LARGE1: variants seen among roughly 807,000 people sequenced by gnomAD.
LARGE1 encodes xylosyl- and glucuronyltransferase LARGE1.
Under a neutral mutation model 87.6 loss-of-function variants are expected in LARGE1, and 43 were observed. The ratio of observed to expected loss-of-function variants is 0.49; its 90% confidence interval spans 0.38 to 0.63. The LOEUF (loss-of-function observed/expected upper bound fraction) is 0.63. Ranked by LOEUF, LARGE1 falls within the 30% of genes least tolerant of loss-of-function variation. The probability of loss-of-function intolerance (pLI) is 0.00; values close to 1 mark genes in which losing one functional copy is unlikely to be tolerated. For synonymous variants in LARGE1, 434 were observed against 394.6 expected, an observed-to-expected ratio of 1.10 and a Z score of -1.18; for missense variants, 802 against 1,000.2, an observed-to-expected ratio of 0.80 and a Z score of 2.67.
intron 11 of LARGE1, among the ~76,000 whole-genome samples, chr22:33,193,620 C>A (rs1165652991): frequency 2.0e-5 from 3 of 151,956 alleles, no homozygotes; most frequent in Non-Finnish European, 4.4e-5. Context: ...AAGTTCAAGA[C>A]CAGCCTGGGC....
the LARGE1 span, chr22:33,105,425 A>C: frequency 6.6e-6 from 1 of 152,276 alleles, no homozygotes; most frequent in Admixed American, 6.5e-5. Flanking sequence ...AGGCTTTCTT[A>C]CAGCGGGGCC....
intron 6 of LARGE1, among the ~76,000 whole-genome samples, chr22:33,524,382 A>T (rs189886785): frequency 6.6e-6 from 1 of 152,026 alleles, no homozygotes; most frequent in Admixed American, 6.6e-5. Context: ...CAATATTATC[A>T]CCTTTCTAAT....
At chr22:33,709,922 C>T (rs2082679717) in intron 2 of LARGE1, among the ~76,000 whole-genome samples, 1 of 149,652 alleles carries the variant, frequency 6.7e-6, no homozygotes. Context: ...CCACCACGCT[C>T]AGCTGGCCAA....
At position 33,609,788 on chromosome 22, in the gene LARGE1, C is replaced by T. The variant is rs541736669; in HGVS notation, c.492-5230G>A. Among the ~76,000 whole-genome samples the T allele has an allele frequency of 2.0e-5, 3 of 152,206 alleles. No individual in the cohort carries two copies. In the East Asian group the frequency reaches 5.8e-4, roughly 29 times the overall value. On this transcript the variant is annotated intron_variant, in intron 4 of 14. Transcript: ENST00000397394. ...GTTTGGGTCATGGGGGCGGATCCCT[C>T]ATGGCTTGGTGCTGTCCTCATGATG... is the stretch of plus-strand genomic sequence containing the variant.
intron 4 of LARGE1, among the ~76,000 whole-genome samples, chr22:33,611,423 C>T (rs369141569): frequency 1.8e-4 from 28 of 152,358 alleles, no homozygotes; most frequent in African/African-American, 5.8e-4. Context: ...AGCTTTAAGA[C>T]TTAATGACTG....
At chr22:33,382,158 T>C in intron 8 of LARGE1, 114 bp from the exon 9 acceptor site, 2 of 1,384,990 alleles carry the variant, frequency 1.4e-6, no homozygotes, top group South Asian at 1.3e-5. Context: ...CCTCCTGCTC[T>C]GAACACAGGC....
intron 4 of LARGE1, among the ~76,000 whole-genome samples, chr22:33,611,695 TGAG>T (rs1320595858): frequency 6.6e-6 from 1 of 152,200 alleles, no homozygotes; most frequent in Non-Finnish European, 1.5e-5. Flanking sequence ...GTTTGAAATG[TGAG>T]GAGGACATGA....
At chr22:33,616,256 C>T (rs2079576388) in intron 4 of LARGE1, among the ~76,000 whole-genome samples, 1 of 152,122 alleles carries the variant, frequency 6.6e-6, no homozygotes, top group African/African-American at 2.4e-5. Flanking sequence ...CCTGTAATCC[C>T]AGCACTTTGG....
chr22:33,247,051 G>GTA (rs1226545526), intron 11 of LARGE1, among the ~76,000 whole-genome samples: 4 of 3,942 alleles, frequency 1.0e-3, no homozygotes, highest in Non-Finnish European at 4.7e-3. Context: ...GCCAGTATGT[G>GTA]TGTGTGTGTG....
intron 1 of LARGE1, among the ~76,000 whole-genome samples, chr22:33,883,430 C>T (rs1439188011): frequency 1.3e-5 from 2 of 152,222 alleles, no homozygotes; most frequent in East Asian, 3.9e-4. Flanking sequence ...CCCTCATCTC[C>T]TGCCTGAAGT....
chr22:33,697,251 G>T (rs948817925), intron 2 of LARGE1, among the ~76,000 whole-genome samples: 1 of 152,092 alleles, frequency 6.6e-6, no homozygotes, highest in Non-Finnish European at 1.5e-5. Context: ...TATGGTTCTC[G>T]TCCTGCTTAT....
chr22:33,796,320 G>A (rs920658346), intron 1 of LARGE1, among the ~76,000 whole-genome samples: 5 of 152,174 alleles, frequency 3.3e-5, no homozygotes, highest in Non-Finnish European at 5.9e-5. Context: ...TGGAGAATAC[G>A]CAGCTAGGGA....
intron 10 of LARGE1, among the ~76,000 whole-genome samples, chr22:33,332,132 T>A (rs953101639): frequency 2.0e-5 from 3 of 152,008 alleles, no homozygotes; most frequent in Admixed American, 2.0e-4. Context: ...GATGATATGG[T>A]TTGGCTGTGT....
chr22:33,493,917 C>T (rs1455811644), intron 6 of LARGE1, among the ~76,000 whole-genome samples: 1 of 152,222 alleles, frequency 6.6e-6, no homozygotes, highest in Non-Finnish European at 1.5e-5. Flanking sequence ...CTACATCTTC[C>T]AACTGGGTGG....
chr22:33,422,937 G>T (rs559189325), intron 7 of LARGE1, among the ~76,000 whole-genome samples: 1 of 152,078 alleles, frequency 6.6e-6, no homozygotes, highest in African/African-American at 2.4e-5. Context: ...ATTTGGGCAG[G>T]GAAACAGATC....
At chr22:33,418,574 A>G (rs2066582489) in intron 7 of LARGE1, among the ~76,000 whole-genome samples, 1 of 152,210 alleles carries the variant, frequency 6.6e-6, no homozygotes, top group Non-Finnish European at 1.5e-5. Flanking sequence ...TGAGGAGATG[A>G]CACCTGATCC....
Position 33,649,225 on chromosome 22 carries a change from C to T in LARGE1, c.408+1142G>A, listed in dbSNP as rs141966656. Among the ~76,000 whole-genome samples, 39 of 152,294 alleles carry T rather than the reference C, an allele frequency of 2.6e-4. No individual in the cohort carries two copies. In the East Asian group the frequency reaches 7.3e-3, roughly 29 times the overall value. ...GTCCTCCTCCCTCACCACTGAACTT[C>T]CAAAGAACTTAGTCTACATCACTGA... is the stretch of plus-strand genomic sequence containing the variant. On this transcript the variant is annotated intron_variant, in intron 3 of 14. Transcript: ENST00000397394.
At chr22:33,609,600 A>G (rs1369965577) in intron 4 of LARGE1, among the ~76,000 whole-genome samples, 1 of 152,200 alleles carries the variant, frequency 6.6e-6, no homozygotes, top group African/African-American at 2.4e-5. Flanking sequence ...GTATGGGTCC[A>G]CTGACATATG....
chr22:33,534,098 G>C (rs1428662683), intron 6 of LARGE1, among the ~76,000 whole-genome samples: 1 of 152,008 alleles, frequency 6.6e-6, no homozygotes, highest in Admixed American at 6.6e-5. Flanking sequence ...TTGACTGCAG[G>C]CCTTCACTAA....
Sources: allele counts gnomAD v4.1 joint callset (sites outside exome capture counted in the v4.1 genomes callset), GRCh38; gene constraint gnomAD v4.1.1; transcripts MANE v1.5; gene names NCBI Gene and HGNC (gene_info 2026-07-23, HGNC 2026-07-21).